TMTC1: variants seen among roughly 807,000 people sequenced by gnomAD.
The protein encoded by TMTC1 is protein O-mannosyl-transferase TMTC1.
In TMTC1, 73 loss-of-function variants were observed where a neutral mutation model predicts 104.8. The observed-to-expected ratio is 0.70, with a 90% CI of 0.58 to 0.85. The LOEUF is 0.85. Ranked by LOEUF, TMTC1 falls within the 40% of genes least tolerant of loss-of-function variation. The pLI, the probability that TMTC1 is intolerant of heterozygous loss-of-function variation, is 0.00. For missense variants in TMTC1, 1,035 were observed against 1,096.1 expected (o/e 0.94, Z 0.79); for synonymous variants, 434 against 428.7 (o/e 1.01, Z -0.15).
intron 10 of TMTC1, among the ~76,000 whole-genome samples, chr12:29,538,812 C>T (rs796393459): frequency 5.9e-5 from 9 of 152,292 alleles, no homozygotes; most frequent in African/African-American, 1.9e-4. Flanking sequence ...TTAAGAAAAA[C>T]ACCTCATCAT....
At chr12:29,770,417 A>T (rs192517992) in intron 1 of TMTC1, among the ~76,000 whole-genome samples, 1 of 152,186 alleles carries the variant, frequency 6.6e-6, no homozygotes, top group Non-Finnish European at 1.5e-5. Context: ...TAAGACAGAC[A>T]TGCAGAATAG....
chr12:29,740,224 T>TA (rs1591996526), intron 5 of TMTC1, among the ~76,000 whole-genome samples: 1 of 152,184 alleles, frequency 6.6e-6, no homozygotes, highest in African/African-American at 2.4e-5. Flanking sequence ...TGATGGTTAA[T>TA]ACTGAGTGTC....
chr12:29,709,818 C>T (rs575839333), intron 5 of TMTC1, among the ~76,000 whole-genome samples: 82 of 152,290 alleles, frequency 5.4e-4, no homozygotes, highest in South Asian at 1.2e-3. Flanking sequence ...AATAATTCGT[C>T]TTACTCTTTA....
intron 6 of TMTC1, among the ~76,000 whole-genome samples, chr12:29,617,201 ATGCCTC>A (rs1565712747): frequency 6.6e-6 from 1 of 151,972 alleles, no homozygotes; most frequent in African/African-American, 2.4e-5. Flanking sequence ...GCAATTAGTC[ATGCCTC>A]TGCCTACAAG....
rs1474945546 is a variant in TMTC1 at position 29,755,847 on chromosome 12, G to A, written c.593C>T (p.Ser198Phe). 6.2e-7 allele frequency: 1 copy of A among 1,614,044 alleles called. No homozygotes were observed. Among genetic ancestry groups the A allele is most frequent in the Non-Finnish European group, 8.5e-7 (1 of 1,180,026 alleles). The change falls in exon 4 of 18, where the codon TCC (serine) becomes TTC (phenylalanine). Residue 198 changes from serine to phenylalanine, a missense_variant. Ser to Phe is a radical substitution (Grantham distance 155). Transcript: ENST00000539277. ...CAGCAAGAAGAAGGGAGACACCGTG[G>A]AAGGGAAACTTCCCCCAACACAGCC... Reference protein sequence around the residue: ...DQGCVGGSFPSTVSPFFLLLS... With the variant: ...DQGCVGGSFPFTVSPFFLLLS...
intron 5 of TMTC1, among the ~76,000 whole-genome samples, chr12:29,684,878 T>G (rs1941041874): frequency 6.6e-6 from 1 of 152,178 alleles, no homozygotes. Flanking sequence ...ACAAAGAATT[T>G]TTTCCAACTC....
intron 10 of TMTC1, among the ~76,000 whole-genome samples, chr12:29,545,629 T>TCACACA (rs55958433): frequency 0.017 from 1,267 of 73,550 alleles, 15 homozygotes; most frequent in Non-Finnish European, 0.021. Flanking sequence ...CAAGACTCTG[T>TCACACA]CACACACACA....
At chr12:29,665,892 T>C (rs967457751) in intron 5 of TMTC1, among the ~76,000 whole-genome samples, 8 of 152,166 alleles carry the variant, frequency 5.3e-5, no homozygotes, top group African/African-American at 1.9e-4. Flanking sequence ...TTAGCCAGAA[T>C]TCTCCCTTAT....
At position 29,755,962 on chromosome 12, in the gene TMTC1, G is replaced by A. The variant is rs1351257905; in HGVS notation, c.555-77C>T. Reference sequence around the variant, plus strand: ...AAGAAATGCCACCTCTTAAAGATAAGATCTAATGTCAATTTCATTGCATTC... The same window carrying A: ...AAGAAATGCCACCTCTTAAAGATAAAATCTAATGTCAATTTCATTGCATTC... On this transcript the variant is annotated intron_variant, in intron 3 of 17. Transcript: ENST00000539277. 14 of 1,412,140 alleles carry A rather than the reference G, an allele frequency of 9.9e-6. No individual in the cohort carries two copies. In the East Asian group the frequency reaches 2.9e-4, roughly 29 times the overall value. 87.5% of individuals were successfully genotyped at this position (1,412,140 alleles called of 1,614,324 possible).
rs36015543 is a variant in TMTC1 at position 29,571,583 on chromosome 12, TACACAC to T, written c.1532+516_1532+521del. Among the ~76,000 whole-genome samples, 204 of 148,150 alleles carry T rather than the reference TACACAC, an allele frequency of 1.4e-3. 1 individual carries two copies. The highest frequency in any genetic ancestry group is 4.8e-3 in the African/African-American group (194 of 40,626). On this transcript the variant is annotated intron_variant, in intron 9 of 17. Transcript: ENST00000539277. ...AGGAGAATGTTAATACACACACACA[TACACAC>T]ACACACACACACACACACAATTAAC...
chr12:29,773,327 G>A (rs1044520227), intron 1 of TMTC1, among the ~76,000 whole-genome samples: 1 of 152,188 alleles, frequency 6.6e-6, no homozygotes, highest in East Asian at 1.9e-4. Context: ...GTTGTTGGCT[G>A]CCCTCTGCTT....
At chr12:29,566,056 G>T (rs1274582882) in intron 9 of TMTC1, among the ~76,000 whole-genome samples, 1 of 152,106 alleles carries the variant, frequency 6.6e-6, no homozygotes, top group African/African-American at 2.4e-5. Context: ...GTGATAAATG[G>T]AGAAAAATGA....
At chr12:29,599,784 G>T (rs956221027) in intron 7 of TMTC1, among the ~76,000 whole-genome samples, 1 of 151,950 alleles carries the variant, frequency 6.6e-6, no homozygotes, top group Non-Finnish European at 1.5e-5. Flanking sequence ...CTGAGCCTTT[G>T]ACTTCATTTT....
chr12:29,599,352 T>A (rs1946492956), intron 7 of TMTC1, among the ~76,000 whole-genome samples: 1 of 152,242 alleles, frequency 6.6e-6, no homozygotes, highest in Non-Finnish European at 1.5e-5. Context: ...AAGAAAAGAT[T>A]ATTCCAATTT....
intron 5 of TMTC1, among the ~76,000 whole-genome samples, chr12:29,666,061 T>C (rs1413851874): frequency 2.6e-5 from 4 of 152,098 alleles, no homozygotes; most frequent in African/African-American, 9.7e-5. Context: ...GGTCTCCGTA[T>C]CAATTGCAAC....
chr12:29,565,379 C>T (rs189359626), intron 9 of TMTC1, among the ~76,000 whole-genome samples: 5 of 152,282 alleles, frequency 3.3e-5, no homozygotes, highest in Admixed American at 6.5e-5. Context: ...GGTATCATGG[C>T]CCATCCAAGC....
intron 7 of TMTC1, among the ~76,000 whole-genome samples, chr12:29,598,121 A>G (rs948073428): frequency 6.6e-6 from 1 of 152,200 alleles, no homozygotes; most frequent in African/African-American, 2.4e-5. Flanking sequence ...CCAGTGGGCG[A>G]CAGATAGGGC....
At chr12:29,707,935 C>A (rs568536673) in intron 5 of TMTC1, among the ~76,000 whole-genome samples, 1 of 152,172 alleles carries the variant, frequency 6.6e-6, no homozygotes, top group Non-Finnish European at 1.5e-5. Flanking sequence ...CACACAGAAC[C>A]AAGTCAGACA....
chr12:29,774,957 G>C (rs1943674588), intron 1 of TMTC1, among the ~76,000 whole-genome samples: 1 of 152,124 alleles, frequency 6.6e-6, no homozygotes, highest in Non-Finnish European at 1.5e-5. Flanking sequence ...CTGGCTATGA[G>C]GAAGCTGCCC....
Sources: gnomAD v4.1 joint callset for allele counts (sites outside exome capture counted in the v4.1 genomes callset) on GRCh38, gnomAD v4.1.1 for gene constraint, MANE v1.5 for transcripts, NCBI Gene and HGNC (gene_info 2026-07-23, HGNC 2026-07-21) for gene names.